Variants in CHM observed in about 807,000 individuals in gnomAD.
The protein encoded by CHM is CHM Rab escort protein.
A neutral mutation model predicts 49.0 loss-of-function variants in CHM; 10 were observed. The ratio of observed to expected loss-of-function variants is 0.20; its 90% CI spans 0.13 to 0.35. The LOEUF is 0.35. Among genes scored for constraint, CHM ranks in the 10% least tolerant of loss-of-function variants. The probability of loss-of-function intolerance (pLI) is 1.00; values close to 1 mark genes in which losing one functional copy is unlikely to be tolerated. For missense variants in CHM, 455 were observed against 478.4 expected (o/e 0.95, Z 0.46); for synonymous variants, 184 against 167.5 (o/e 1.10, Z -0.76).
chrX:85,954,485 G>A (rs370042770), intron 8 of CHM, among the ~76,000 whole-genome samples: 17 of 111,796 alleles, frequency 1.5e-4, no homozygotes, highest in South Asian at 3.7e-4. Flanking sequence ...CACATTTGTC[G>A]CAGCACTGTT....
intron 12 of CHM, among the ~76,000 whole-genome samples, chrX:85,883,808 T>C (rs1924907421): frequency 9.0e-6 from 1 of 110,626 alleles, no homozygotes; most frequent in Non-Finnish European, 1.9e-5. Context: ...ATCATATATA[T>C]ATTTCACATT....
intron 2 of CHM, among the ~76,000 whole-genome samples, chrX:86,009,167 C>G (rs1932952386): frequency 8.9e-6 from 1 of 111,765 alleles, no homozygotes; most frequent in Admixed American, 9.5e-5. Context: ...CAAGATGATG[C>G]CAGGATATGT....
chrX:85,908,181 C>G (rs1275055788), intron 9 of CHM, among the ~76,000 whole-genome samples: 1 of 112,188 alleles, frequency 8.9e-6, no homozygotes, highest in Non-Finnish European at 1.9e-5. Flanking sequence ...TAGAACATAA[C>G]AATTGTTTAA....
At chrX:85,873,286 T>C (rs1924204781) in intron 13 of CHM, 74 bp from the exon 14 acceptor site, 2 of 773,823 alleles carry the variant, frequency 2.6e-6, no homozygotes, top group Admixed American at 2.9e-5. Context: ...GTGTAGCCTA[T>C]TACCGATTAA....
intron 2 of CHM, among the ~76,000 whole-genome samples, chrX:86,007,076 A>T (rs1270957632): frequency 9.0e-6 from 1 of 111,634 alleles, no homozygotes; most frequent in Non-Finnish European, 1.9e-5. Flanking sequence ...AAACCAATGG[A>T]ACAGAACAGA....
chrX:85,866,603 G>C (rs1194023372), intron 14 of CHM, among the ~76,000 whole-genome samples: 2 of 112,821 alleles, frequency 1.8e-5, no homozygotes, highest in Non-Finnish European at 3.7e-5. Context: ...TCCACTGACA[G>C]CCTGCACCAT....
chrX:86,026,213 G>T (rs746890973), intron 2 of CHM, among the ~76,000 whole-genome samples: 50 of 91,592 alleles, frequency 5.5e-4, no homozygotes, highest in Non-Finnish European at 6.0e-4. Context: ...TCCACCACCG[G>T]ACCAAGTTCA....
intron 8 of CHM, among the ~76,000 whole-genome samples, chrX:85,935,365 T>G (rs771297365): frequency 9.0e-6 from 1 of 111,504 alleles, no homozygotes; most frequent in East Asian, 2.8e-4. Context: ...AACATGAGAT[T>G]TGGAGGAGAT....
chrX:86,015,936 C>A (rs1345221819), intron 2 of CHM, among the ~76,000 whole-genome samples: 1 of 111,560 alleles, frequency 9.0e-6, no homozygotes, highest in African/African-American at 3.3e-5. Flanking sequence ...AGTTTGAGGC[C>A]AGCCTGGCCA....
At chrX:85,990,609 T>C (rs1461183259) in intron 2 of CHM, among the ~76,000 whole-genome samples, 4 of 111,759 alleles carry the variant, frequency 3.6e-5, no homozygotes, top group Non-Finnish European at 7.5e-5. Context: ...CTCTTAACAC[T>C]AATCAAGAAG....
intron 2 of CHM, among the ~76,000 whole-genome samples, chrX:86,022,312 C>T (rs891641506): frequency 9.0e-6 from 1 of 111,584 alleles, no homozygotes; most frequent in African/African-American, 3.3e-5. Flanking sequence ...GTAGACTGAA[C>T]CTGATGAAGA....
At chrX:85,864,853 T>C (rs1305502935) in intron 14 of CHM, 32 bp from the exon 15 acceptor site, 2 of 1,152,485 alleles carry the variant, frequency 1.7e-6, no homozygotes, top group Non-Finnish European at 2.4e-6. Context: ...AAATCGTTTT[T>C]GGAAATCGGT....
At chrX:85,933,612 GTTATT>G (rs761956654) in intron 8 of CHM, among the ~76,000 whole-genome samples, 117 of 112,036 alleles carry the variant, frequency 1.0e-3, no homozygotes, top group African/African-American at 3.7e-3. Flanking sequence ...ATTTAAAAGG[GTTATT>G]TTAGAGTTAA....
At chrX:86,028,731 AT>A (rs1463701544) in intron 1 of CHM, among the ~76,000 whole-genome samples, 1 of 111,799 alleles carries the variant, frequency 8.9e-6, no homozygotes, top group Non-Finnish European at 1.9e-5. Context: ...AGAAGCTAGT[AT>A]TTTTTATATT....
At chrX:85,899,024 G>T (rs1926085244) in intron 11 of CHM, among the ~76,000 whole-genome samples, 1 of 112,389 alleles carries the variant, frequency 8.9e-6, no homozygotes, top group Non-Finnish European at 1.9e-5. Flanking sequence ...CAAATGAATT[G>T]ACTTTATCCA....
intron 8 of CHM, among the ~76,000 whole-genome samples, chrX:85,913,344 G>GAAAGAAAGAAAGAAAGA (rs1927219678): frequency 1.8e-5 from 1 of 55,449 alleles, no homozygotes; most frequent in African/African-American, 5.7e-5. Context: ...AAGAAAGAAA[G>GAAAGAAAGAAAGAAAGA]AAAGAAAGAA....
chrX:85,981,206 C>CTATTTCTATATATATATATATATATA lies in CHM; in HGVS notation c.189+530_189+531insTATATATATATATATATATAGAAATA, dbSNP rs1555958595. 9.4e-4 allele frequency among the ~76,000 whole-genome samples: 51 copies of CTATTTCTATATATATATATATATATA among 54,349 alleles called. 2 individuals carry two copies. Among genetic ancestry groups the CTATTTCTATATATATATATATATATA allele is most frequent in the Admixed American group, 4.7e-3 (17 of 3,613 alleles). The allele number at this position is 54,349 out of a possible 115,157, so 47.2% of individuals were successfully genotyped here. A position where few individuals can be genotyped will look rare whatever the true frequency, so the allele number is the denominator to read the frequency against. Reference sequence around the variant, plus strand: ...TACTCTTCAACCAACATTTCTATTTCTATATATATATATAGACACACATAT... The same window carrying CTATTTCTATATATATATATATATATA: ...TACTCTTCAACCAACATTTCTATTTCTATTTCTATATATATATATATATATATATATATATATATAGACACACATAT... On this transcript the variant is annotated intron_variant, in intron 3 of 14. Transcript: ENST00000357749.
intron 12 of CHM, among the ~76,000 whole-genome samples, chrX:85,893,715 G>C (rs1224681134): frequency 9.0e-6 from 1 of 111,061 alleles, no homozygotes; most frequent in African/African-American, 3.3e-5. Context: ...CCACTTATGA[G>C]GAAAGGGTCC....
At chrX:85,890,152 T>C (rs1024187296) in intron 12 of CHM, among the ~76,000 whole-genome samples, 1 of 111,544 alleles carries the variant, frequency 9.0e-6, no homozygotes, top group Non-Finnish European at 1.9e-5. Flanking sequence ...TCATGCGATA[T>C]ACCCTTGTAA....
Sources: gnomAD v4.1 joint callset for allele counts (sites outside exome capture counted in the v4.1 genomes callset) on GRCh38, gnomAD v4.1.1 for gene constraint, MANE v1.5 for transcripts, NCBI Gene and HGNC (gene_info 2026-07-23, HGNC 2026-07-21) for gene names.